Variants in PDE6A observed in about 807,000 individuals in gnomAD.
PDE6A encodes phosphodiesterase 6A, also known as rod cGMP-specific 3',5'-cyclic phosphodiesterase subunit alpha.
PDE6A carries 84 observed loss-of-function variants against 106.3 expected under a neutral mutation model. The observed-to-expected ratio is 0.79, with a 90% CI of 0.66 to 0.95. The LOEUF is 0.95. Among genes scored for constraint, PDE6A ranks in the 40% least tolerant of loss-of-function variants. The probability of loss-of-function intolerance (pLI) is 0.00; values close to 1 mark genes in which losing one functional copy is unlikely to be tolerated. For synonymous variants in PDE6A, 394 were observed against 386.6 expected (o/e 1.02, Z -0.23); for missense variants, 1,052 against 1,084.9 (o/e 0.97, Z 0.43).
At chr5:149,923,058 T>C (rs1252627431) in intron 4 of PDE6A, among the ~76,000 whole-genome samples, 1 of 152,242 alleles carries the variant, frequency 6.6e-6, no homozygotes, top group East Asian at 1.9e-4. Context: ...ATCATGTTAT[T>C]TCTATACTTT....
At chr5:149,866,526 A>G in intron 19 of PDE6A, 1 of 441,544 alleles carries the variant, frequency 2.3e-6, no homozygotes, top group South Asian at 2.4e-5. Context: ...GGTGGGAGGG[A>G]TGGCAGGGCC....
At position 149,900,375 on chromosome 5, in the gene PDE6A, G is replaced by GTGTATATATA. The variant is rs371287292; in HGVS notation, c.1114-852_1114-851insTATATATACA. Among the ~76,000 whole-genome samples, 131 of 82,654 alleles carry GTGTATATATA rather than the reference G, an allele frequency of 1.6e-3. 2 individuals are homozygous for GTGTATATATA. Among genetic ancestry groups the GTGTATATATA allele is most frequent in the African/African-American group, 4.6e-3 (121 of 26,286 alleles). 54.2% of individuals were successfully genotyped at this position (82,654 alleles called of 152,430 possible). On this transcript the variant is annotated intron_variant, in intron 8 of 21. Transcript: ENST00000255266. ...AGACTCCATCTCGAAAAATATATAT[G>GTGTATATATA]TATATATATATATATATATATATCC...
chr5:149,903,559 G>A lies in PDE6A; in HGVS notation c.1113+89C>T, dbSNP rs1019398550. 4.4e-5 allele frequency: 44 copies of A among 996,906 alleles called. 1 individual carries two copies. The highest frequency in any genetic ancestry group is 3.8e-4 in the East Asian group (16 of 42,126). 61.8% of individuals were successfully genotyped at this position (996,906 alleles called of 1,614,324 possible). The stretch of plus-strand genomic sequence containing the variant: ...TTCACTTTGTTGAGGCTGCTTCCCA[G>A]CAGAGTGGGTGGATTCTAATGTATT... On this transcript the variant is annotated intron_variant, in intron 8 of 21. Coordinates refer to ENST00000255266, the MANE Select transcript of PDE6A (RefSeq NM_000440.3).
At chr5:149,901,047 C>T (rs765835911) in intron 8 of PDE6A, among the ~76,000 whole-genome samples, 2 of 152,096 alleles carry the variant, frequency 1.3e-5, no homozygotes, top group Non-Finnish European at 2.9e-5. Flanking sequence ...TCCCAAGTAG[C>T]TGGGATTACA....
chr5:149,895,683 C>G (rs1244105034), intron 12 of PDE6A, among the ~76,000 whole-genome samples: 2 of 151,844 alleles, frequency 1.3e-5, no homozygotes, highest in Non-Finnish European at 2.9e-5. Context: ...GGTTCTCAAA[C>G]TTGCGTGTGC....
In PDE6A at chr5:149,867,436, T is replaced by C. The variant is rs560111113; in HGVS notation, c.2274+289A>G. 1.7e-4 allele frequency: 91 copies of C among 523,498 alleles called. 1 individual carries two copies. The highest frequency in any genetic ancestry group is 1.5e-3 in the African/African-American group (79 of 52,298). 32.4% of individuals were successfully genotyped at this position (523,498 alleles called of 1,614,324 possible). ...TAGGGTTGAGTGAGCTAAGGACACA[T>C]TTCCCAAAATTTAGGAGGGCTTACT... On this transcript the variant is annotated intron_variant, in intron 19 of 21. Coordinates refer to ENST00000255266, the MANE Select transcript of PDE6A (RefSeq NM_000440.3).
At chr5:149,930,507 A>C (rs1754000091) in intron 4 of PDE6A, among the ~76,000 whole-genome samples, 1 of 152,218 alleles carries the variant, frequency 6.6e-6, no homozygotes, top group Non-Finnish European at 1.5e-5. Context: ...ATATCTAAAA[A>C]ACATCGCTGG....
chr5:149,917,583 A>G (rs1315405057), intron 5 of PDE6A, among the ~76,000 whole-genome samples: 2 of 152,186 alleles, frequency 1.3e-5, no homozygotes, highest in African/African-American at 2.4e-5. Context: ...TGGTTAAACA[A>G]AAGGCAGAAG....
chr5:149,884,831 A>G lies in PDE6A; in HGVS notation c.1875T>C (p.Ser625=), dbSNP rs2113554713. The G allele has an allele frequency of 6.2e-7, 1 of 1,614,226 alleles. No homozygotes were observed. Among genetic ancestry groups the G allele is most frequent in the Non-Finnish European group, 8.5e-7 (1 of 1,180,028 alleles). Residue 625 remains serine (S), a synonymous_variant, in exon 15 of 22, where the codon TCT becomes TCC. Transcript: ENST00000255266. The part of the protein sequence containing the change: ...QNPLAKLHGS[S]ILERHHLEFG... ...ACTCCAAGTGGTGTCTTTCCAAGAT[A>G]GAGGACCCATGGAGCTTGGCCAGTG...
chr5:149,944,720 C>A lies in PDE6A; in HGVS notation c.-47G>T. ...CTCTGTAGAAGGACTGGGACGGAGG[C>A]CTTCCAATGGCAGTTTTGCAGTCTG... On this transcript the variant is annotated 5_prime_UTR_variant, in exon 1 of 22. Transcript: ENST00000255266. 6.7e-7 allele frequency: 1 copy of A among 1,492,946 alleles called. No individual in the cohort carries two copies. Among genetic ancestry groups the A allele is most frequent in the African/African-American group, 1.4e-5 (1 of 72,724 alleles). 92.5% of individuals were successfully genotyped at this position (1,492,946 alleles called of 1,614,324 possible).
intron 8 of PDE6A, 93 bp from the exon 9 acceptor site, chr5:149,899,617 T>G: frequency 1.6e-6 from 2 of 1,241,896 alleles, no homozygotes; most frequent in South Asian, 1.2e-5. Flanking sequence ...CCTGATTGGC[T>G]GAGAGGAGGT....
chr5:149,876,534 T>TA (rs1344176800), intron 17 of PDE6A, among the ~76,000 whole-genome samples: 3 of 151,940 alleles, frequency 2.0e-5, no homozygotes, highest in South Asian at 4.2e-4. Context: ...GACAGAGTCT[T>TA]ACTCTGTGGC....
intron 6 of PDE6A, among the ~76,000 whole-genome samples, chr5:149,913,231 A>G (rs152947): frequency 1.3e-5 from 2 of 151,450 alleles, no homozygotes; most frequent in Non-Finnish European, 2.9e-5. Flanking sequence ...AAAATACACA[A>G]ATTAGCTGGG....
intron 8 of PDE6A, among the ~76,000 whole-genome samples, chr5:149,901,602 G>A (rs1444607083): frequency 6.6e-6 from 1 of 152,148 alleles, no homozygotes; most frequent in East Asian, 1.9e-4. Flanking sequence ...TGAGTTGGAG[G>A]AGGAAGACCA....
chr5:149,871,780 T>A (rs1760566481), intron 17 of PDE6A, among the ~76,000 whole-genome samples: 1 of 152,202 alleles, frequency 6.6e-6, no homozygotes, highest in Non-Finnish European at 1.5e-5. Context: ...CAGAAATCAC[T>A]GTGGCTTCAG....
At chr5:149,891,605 C>A (rs776258221) in intron 13 of PDE6A, among the ~76,000 whole-genome samples, 22 of 152,204 alleles carry the variant, frequency 1.4e-4, no homozygotes, top group Non-Finnish European at 2.5e-4. Flanking sequence ...AGTTCAAGAC[C>A]AGCCTGGGCA....
chr5:149,904,011 T>C (rs1753085984), intron 7 of PDE6A, among the ~76,000 whole-genome samples: 1 of 152,240 alleles, frequency 6.6e-6, no homozygotes, highest in East Asian at 1.9e-4. Context: ...TTCTTGCTTA[T>C]TTGGGTTGTA....
intron 5 of PDE6A, among the ~76,000 whole-genome samples, chr5:149,915,845 T>A (rs557417217): frequency 6.6e-6 from 1 of 151,942 alleles, no homozygotes. Context: ...TATCTGATAG[T>A]TGCTGAAACA....
At chr5:149,861,474 C>T (rs1760139131) in intron 21 of PDE6A, among the ~76,000 whole-genome samples, 1 of 152,148 alleles carries the variant, frequency 6.6e-6, no homozygotes, top group Non-Finnish European at 1.5e-5. Flanking sequence ...CATAGCAAGA[C>T]CTGGTTTCTA....
Sources: gnomAD v4.1 joint callset for allele counts (sites outside exome capture counted in the v4.1 genomes callset) on GRCh38, gnomAD v4.1.1 for gene constraint, MANE v1.5 for transcripts, NCBI Gene and HGNC (gene_info 2026-07-23, HGNC 2026-07-21) for gene names.